PKIB: variants seen among roughly 807,000 people sequenced by gnomAD.
The protein encoded by PKIB is cAMP-dependent protein kinase inhibitor beta.
In PKIB, 2 loss-of-function variants were observed where a neutral mutation model predicts 4.5. That is an observed-to-expected ratio of 0.44 (90% confidence interval 0.18 to 1.39). The LOEUF (loss-of-function observed/expected upper bound fraction) is 1.39, where lower values mean the gene tolerates loss of function less well. Ranked by LOEUF, PKIB falls within the 40% of genes most tolerant of loss-of-function variation. The pLI is 0.27. For missense variants in PKIB, 94 were observed against 92.6 expected (o/e 1.02, Z -0.06); for synonymous variants, 38 against 36.0 (o/e 1.06, Z -0.20).
At chr6:122,643,028 G>A (rs1406304931) in intron 2 of PKIB, among the ~76,000 whole-genome samples, 1 of 152,160 alleles carries the variant, frequency 6.6e-6, no homozygotes, top group African/African-American at 2.4e-5. Flanking sequence ...CCTGGTAGGG[G>A]AGAGAACAAG....
intron 2 of PKIB, among the ~76,000 whole-genome samples, chr6:122,502,593 C>A (rs1776275654): frequency 6.6e-6 from 1 of 152,044 alleles, no homozygotes; most frequent in South Asian, 2.1e-4. Context: ...ATCACAAGAG[C>A]AGAAAGGGGA....
At chr6:122,548,903 A>G (rs1772584835) in intron 2 of PKIB, among the ~76,000 whole-genome samples, 1 of 152,178 alleles carries the variant, frequency 6.6e-6, no homozygotes, top group African/African-American at 2.4e-5. Flanking sequence ...GTTATAATCC[A>G]ATGTTTAAAG....
chr6:122,590,825 G>T (rs1341177065), intron 3 of PKIB, among the ~76,000 whole-genome samples: 1 of 152,128 alleles, frequency 6.6e-6, no homozygotes, highest in African/African-American at 2.4e-5. Context: ...GGTGATGCAT[G>T]CTTAGCGTGT....
chr6:122,558,711 CCTCT>C (rs1471384881), intron 2 of PKIB, among the ~76,000 whole-genome samples: 10 of 151,992 alleles, frequency 6.6e-5, no homozygotes, highest in Non-Finnish European at 8.8e-5. Flanking sequence ...ACAGTCACCT[CCTCT>C]CTATTTTTTT....
At chr6:122,574,282 C>A (rs1773465186) in intron 2 of PKIB, among the ~76,000 whole-genome samples, 1 of 152,128 alleles carries the variant, frequency 6.6e-6, no homozygotes, top group Admixed American at 6.5e-5. Context: ...CAAATGGAAA[C>A]ACATCTCCTG....
At chr6:122,486,276 A>G (rs1404174032) in intron 2 of PKIB, among the ~76,000 whole-genome samples, 1 of 152,160 alleles carries the variant, frequency 6.6e-6, no homozygotes, top group African/African-American at 2.4e-5. Flanking sequence ...TCCTCCAGTC[A>G]TTTTATTCCC....
chr6:122,573,867 A>C (rs1016779907), intron 2 of PKIB, among the ~76,000 whole-genome samples: 4 of 152,226 alleles, frequency 2.6e-5, no homozygotes, highest in African/African-American at 9.6e-5. Flanking sequence ...GGAACAAGAC[A>C]AGGATGCACA....
At chr6:122,606,571 C>CAAAAAAAAAAAA (rs10695767), upstream of PKIB, among the ~76,000 whole-genome samples, 55 of 119,226 alleles carry the variant, frequency 4.6e-4, no homozygotes, top group Admixed American at 8.9e-4. Flanking sequence ...GACTCTGTCT[C>CAAAAAAAAAAAA]AAAAAAGAAA....
chr6:122,535,371 T>C (rs1562242501), intron 2 of PKIB, among the ~76,000 whole-genome samples: 2 of 152,196 alleles, frequency 1.3e-5, no homozygotes, highest in Non-Finnish European at 2.9e-5. Context: ...TGAGTTCCTT[T>C]TATATAATCA....
chr6:122,528,667 G>A (rs1777165839), intron 2 of PKIB, among the ~76,000 whole-genome samples: 1 of 152,106 alleles, frequency 6.6e-6, no homozygotes, highest in African/African-American at 2.4e-5. Context: ...CAAGGTGGGA[G>A]GATCAGTTGA....
chr6:122,681,508 G>A (rs1777894267), intron 3 of PKIB, among the ~76,000 whole-genome samples: 1 of 151,920 alleles, frequency 6.6e-6, no homozygotes, highest in Non-Finnish European at 1.5e-5. Context: ...GTATTATATT[G>A]TAATTGCATT....
At position 122,716,621 on chromosome 6, in the gene PKIB, A is replaced by G. The variant is rs376143765; in HGVS notation, c.-8-1166A>G. On this transcript the variant is annotated intron_variant, in intron 3 of 4. Transcript: ENST00000368452. ...GCTCAATTTGCATTTCTTGCATTCTATGAACCAAAAATATTGTTTCTAATG... is the reference window on the plus strand; with the variant it reads ...GCTCAATTTGCATTTCTTGCATTCTGTGAACCAAAAATATTGTTTCTAATG... Among the ~76,000 whole-genome samples, 16 of 36,802 alleles carry G rather than the reference A, an allele frequency of 4.3e-4. No individual in the cohort carries two copies. In the East Asian group the frequency reaches 7.9e-3, roughly 18 times the overall value. The allele number at this position is 36,802 out of a possible 152,430, so 24.1% of individuals were successfully genotyped here.
chr6:122,633,936 A>ATCTATCTATCTG (rs1157975709), intron 2 of PKIB, among the ~76,000 whole-genome samples: 1 of 150,254 alleles, frequency 6.7e-6, no homozygotes, highest in Non-Finnish European at 1.5e-5. Context: ...TGTCCTATCT[A>ATCTATCTATCTG]TCTATCTATC....
At chr6:122,652,246 T>A (rs1230391381) in intron 2 of PKIB, among the ~76,000 whole-genome samples, 12 of 152,018 alleles carry the variant, frequency 7.9e-5, no homozygotes, top group Admixed American at 7.9e-4. Context: ...TGTACATGTA[T>A]GTATATACAT....
intron 2 of PKIB, among the ~76,000 whole-genome samples, chr6:122,497,556 A>G (rs951993186): frequency 6.6e-6 from 1 of 152,152 alleles, no homozygotes; most frequent in Non-Finnish European, 1.5e-5. Flanking sequence ...ACTAAAAGAG[A>G]TCAGGGGTCA....
intron 2 of PKIB, among the ~76,000 whole-genome samples, chr6:122,518,906 G>C (rs966814613): frequency 6.6e-6 from 1 of 152,126 alleles, no homozygotes; most frequent in Non-Finnish European, 1.5e-5. Context: ...ACCACATGCT[G>C]ACCACTTTAC....
chr6:122,554,762 T>C (rs528308055), intron 2 of PKIB, among the ~76,000 whole-genome samples: 14 of 152,290 alleles, frequency 9.2e-5, no homozygotes, highest in African/African-American at 3.4e-4. Flanking sequence ...TAGAGATTCA[T>C]GCAAGGCTGG....
chr6:122,499,247 C>CA (rs1439553545), intron 2 of PKIB, among the ~76,000 whole-genome samples: 1 of 152,060 alleles, frequency 6.6e-6, no homozygotes, highest in Admixed American at 6.6e-5. Flanking sequence ...TGAAATCTGT[C>CA]AAAGAAACAA....
upstream of PKIB, among the ~76,000 whole-genome samples, chr6:122,606,487 G>A (rs1331891328): frequency 2.0e-5 from 3 of 148,462 alleles, no homozygotes; most frequent in Non-Finnish European, 4.4e-5. Context: ...CAGGAGAATC[G>A]CTCGAACCCA....
Sources: gnomAD v4.1 joint callset for allele counts (sites outside exome capture counted in the v4.1 genomes callset) on GRCh38, gnomAD v4.1.1 for gene constraint, MANE v1.5 for transcripts, NCBI Gene and HGNC (gene_info 2026-07-23, HGNC 2026-07-21) for gene names.